FAM178B: variants seen among roughly 807,000 people sequenced by gnomAD.
The protein encoded by FAM178B is protein FAM178B.
A neutral mutation model predicts 91.7 loss-of-function variants in FAM178B; 82 were observed. The observed-to-expected ratio is 0.89, with a 90% confidence interval of 0.75 to 1.07. FAM178B has a LOEUF of 1.07. Among genes scored for constraint, FAM178B ranks in the 50% least tolerant of loss-of-function variants. FAM178B has a pLI of 0.00. For synonymous variants in FAM178B, 368 were observed against 359.4 expected, an observed-to-expected ratio of 1.02 and a Z score of -0.27; for missense variants, 769 against 846.7, an observed-to-expected ratio of 0.91 and a Z score of 1.14.
At chr2:96,977,616 G>A (rs2082308412) in intron 1 of FAM178B, among the ~76,000 whole-genome samples, 1 of 151,594 alleles carries the variant, frequency 6.6e-6, no homozygotes, top group Admixed American at 6.6e-5. Context: ...CCATAGGGAT[G>A]GTAAGAATAA....
In FAM178B at chr2:96,894,238, G is replaced by C. The variant is rs1027749320; in HGVS notation, c.1651-187C>G. 9.9e-5 allele frequency among the ~76,000 whole-genome samples: 15 copies of C among 151,742 alleles called. 1 individual carries two copies. Among genetic ancestry groups the C allele is most frequent in the African/African-American group, 3.6e-4 (15 of 41,226 alleles). ...TCCTGAGTGTTCTCATCTGTAAAAT[G>C]GATCACACATACTTCCCAGGAGAGG... On this transcript the variant is annotated intron_variant, in intron 13 of 16. Coordinates refer to ENST00000490605, the MANE Select transcript of FAM178B (RefSeq NM_001122646.3).
At chr2:96,883,988 G>T (rs889327530) in intron 14 of FAM178B, among the ~76,000 whole-genome samples, 1 of 152,222 alleles carries the variant, frequency 6.6e-6, no homozygotes, top group African/African-American at 2.4e-5. Flanking sequence ...ACGGACTGAA[G>T]ATCGACTCTA....
At chr2:96,907,085 A>G (rs2081071247) in intron 12 of FAM178B, among the ~76,000 whole-genome samples, 1 of 151,964 alleles carries the variant, frequency 6.6e-6, no homozygotes, top group African/African-American at 2.4e-5. Flanking sequence ...GAAGAAAAGC[A>G]CCACAAGAAG....
intron 6 of FAM178B, among the ~76,000 whole-genome samples, chr2:96,958,697 T>C (rs575660091): frequency 5.4e-5 from 3 of 55,500 alleles, no homozygotes; most frequent in Non-Finnish European, 9.0e-5. Context: ...CTCAAAATAC[T>C]AAAAAAAAAA....
At position 96,986,388 on chromosome 2, in the gene FAM178B, T is replaced by C. The variant is rs1308851509; in HGVS notation, c.-75A>G. ...CACGGCCTCAGAGGACGGGGCCAGC[T>C]AGCCGGGAAAGGAAGCAGGAGCAGG... On this transcript the variant is annotated 5_prime_UTR_variant, in exon 1 of 17. Coordinates refer to ENST00000490605, the MANE Select transcript of FAM178B (RefSeq NM_001122646.3). The C allele has an allele frequency of 6.7e-7, 1 of 1,485,144 alleles. No individual in the cohort carries two copies. Among genetic ancestry groups the C allele is most frequent in the Non-Finnish European group, 8.9e-7 (1 of 1,121,492 alleles). The allele number at this position is 1,485,144 out of a possible 1,614,324, so 92.0% of individuals were successfully genotyped here. A position where few individuals can be genotyped will look rare whatever the true frequency, so the allele number is the denominator to read the frequency against.
intron 12 of FAM178B, among the ~76,000 whole-genome samples, chr2:96,903,883 T>C (rs927930759): frequency 4.6e-5 from 7 of 152,204 alleles, no homozygotes; most frequent in African/African-American, 1.7e-4. Flanking sequence ...TTTTAGATTT[T>C]CTTAGGAAAG....
chr2:96,933,026 C>G (rs2081567143), intron 8 of FAM178B, among the ~76,000 whole-genome samples: 1 of 149,394 alleles, frequency 6.7e-6, no homozygotes, highest in South Asian at 2.1e-4. Context: ...GGGCAGATCA[C>G]AAGGTCAGGA....
intron 9 of FAM178B, among the ~76,000 whole-genome samples, chr2:96,925,957 T>C (rs2081430786): frequency 6.6e-6 from 1 of 152,222 alleles, no homozygotes; most frequent in Non-Finnish European, 1.5e-5. Flanking sequence ...TGTCAATGTG[T>C]TAATTGTCAT....
At chr2:96,906,832 T>C (rs2081065773) in intron 12 of FAM178B, among the ~76,000 whole-genome samples, 1 of 152,194 alleles carries the variant, frequency 6.6e-6, no homozygotes, top group Non-Finnish European at 1.5e-5. Context: ...GGGAGGTCAA[T>C]GGCCCCTCTG....
intron 14 of FAM178B, among the ~76,000 whole-genome samples, chr2:96,889,960 A>T (rs2080629707): frequency 7.6e-6 from 1 of 131,276 alleles, no homozygotes; most frequent in Admixed American, 8.6e-5. Flanking sequence ...GCAACGTGAC[A>T]AAACCCCATC....
chr2:96,918,104 C>A lies in FAM178B; in HGVS notation c.1562+3061G>T, dbSNP rs191377462. Among the ~76,000 whole-genome samples, 728 of 149,396 alleles carry A rather than the reference C, an allele frequency of 4.9e-3. 5 individuals are homozygous for A. Among genetic ancestry groups the A allele is most frequent in the Middle Eastern group, 0.041 (12 of 292 alleles). On this transcript the variant is annotated intron_variant, in intron 12 of 16. Coordinates refer to ENST00000490605, the MANE Select transcript of FAM178B (RefSeq NM_001122646.3). The stretch of plus-strand genomic sequence containing the variant: ...CATTACACAAAAATCCCAATCAATT[C>A]TCTGCATTATCCATAAAACTGTCCT...
chr2:96,967,911 C>CTCTTTTTTTTTTT (rs2082165689), intron 4 of FAM178B, among the ~76,000 whole-genome samples: 1 of 62,418 alleles, frequency 1.6e-5, no homozygotes, highest in Non-Finnish European at 3.0e-5. Context: ...CCTGTTTGGT[C>CTCTTTTTTTTTTT]TTTTTTTTTT....
At chr2:96,982,077 A>G (rs1046694985) in intron 1 of FAM178B, among the ~76,000 whole-genome samples, 11 of 152,078 alleles carry the variant, frequency 7.2e-5, no homozygotes, top group African/African-American at 2.4e-4. Flanking sequence ...AAAAAAAAAG[A>G]AAAAATCTTC....
chr2:96,966,893 C>T (rs563663183), intron 5 of FAM178B, among the ~76,000 whole-genome samples: 3 of 152,222 alleles, frequency 2.0e-5, no homozygotes, highest in African/African-American at 4.8e-5. Flanking sequence ...TGCTGGCTCC[C>T]GGGTCTCAGA....
At chr2:96,885,849 G>A (rs1325873876) in intron 14 of FAM178B, among the ~76,000 whole-genome samples, 1 of 152,196 alleles carries the variant, frequency 6.6e-6, no homozygotes, top group African/African-American at 2.4e-5. Context: ...GATTCTCGGT[G>A]CCTATGTGTA....
chr2:96,911,605 A>T (rs1418093365), intron 12 of FAM178B, among the ~76,000 whole-genome samples: 1 of 152,222 alleles, frequency 6.6e-6, no homozygotes, highest in Non-Finnish European at 1.5e-5. Flanking sequence ...CATCTGAAGG[A>T]CGGTCACACT....
rs1006681600 is a variant in FAM178B, at chr2:96,972,550, G to A, written c.130C>T (p.Pro44Ser). 3.2e-6 allele frequency: 5 copies of A among 1,551,712 alleles called. No individual in the cohort carries two copies. Among genetic ancestry groups the A allele is most frequent in the Middle Eastern group, 1.7e-4 (1 of 5,992 alleles). The change falls in exon 2 of 17, where the codon CCT (proline) becomes TCT (serine). Residue 44 changes from proline to serine, a missense_variant. By Grantham distance (74) the Pro-to-Ser change is moderately conservative. Transcript: ENST00000490605. ...GAGAGACGCCTACCTTCTCTCAGAGGAAGGGCTAGCACCGTCTCCTGGGGC... is the reference window on the plus strand; with the variant it reads ...GAGAGACGCCTACCTTCTCTCAGAGAAAGGGCTAGCACCGTCTCCTGGGGC... ...AGPQETVLAL[P>S]LREGVQAAAT...
At chr2:96,920,971 C>A (rs1053582903) in intron 12 of FAM178B, among the ~76,000 whole-genome samples, 194 bp downstream of exon 12, 2 of 152,076 alleles carry the variant, frequency 1.3e-5, no homozygotes, top group Admixed American at 6.5e-5. Flanking sequence ...GCTAATAAGA[C>A]CATGTTAAGA....
chr2:96,931,282 G>C (rs980509407), intron 8 of FAM178B, among the ~76,000 whole-genome samples: 1 of 152,190 alleles, frequency 6.6e-6, no homozygotes, highest in Non-Finnish European at 1.5e-5. Context: ...GAACTAGCTA[G>C]GTGTGGAAGA....
Sources: gnomAD v4.1 joint callset for allele counts (sites outside exome capture counted in the v4.1 genomes callset) on GRCh38, gnomAD v4.1.1 for gene constraint, MANE v1.5 for transcripts, NCBI Gene and HGNC (gene_info 2026-07-23, HGNC 2026-07-21) for gene names.